Variants in CSMD3 observed in about 807,000 individuals in gnomAD.
CSMD3 encodes CUB and sushi domain-containing protein 3.
In CSMD3, 177 loss-of-function variants were observed where a neutral mutation model predicts 435.2. The ratio of observed to expected loss-of-function variants is 0.41; its 90% confidence interval spans 0.36 to 0.46. The LOEUF is 0.46. Ranked by LOEUF, CSMD3 falls within the 20% of genes least tolerant of loss-of-function variation. CSMD3 has a pLI of 0.34. For missense variants in CSMD3, 4,265 were observed against 4,504.6 expected (o/e 0.95, Z 1.52); for synonymous variants, 1,656 against 1,520.5 (o/e 1.09, Z -2.07).
At chr8:112,997,288 AT>A (rs1222761789) in intron 6 of CSMD3, among the ~76,000 whole-genome samples, 1 of 151,704 alleles carries the variant, frequency 6.6e-6, no homozygotes, top group Non-Finnish European at 1.5e-5. Flanking sequence ...CAGTTAAAAT[AT>A]TTTATTAACT....
intron 1 of CSMD3, among the ~76,000 whole-genome samples, chr8:113,325,148 C>A (rs1047660925): frequency 1.3e-5 from 2 of 152,184 alleles, no homozygotes; most frequent in East Asian, 3.9e-4. Context: ...CTACGGACTT[C>A]TGAGTTAATG....
chr8:112,256,370 T>C (rs1178450203), intron 61 of CSMD3, among the ~76,000 whole-genome samples: 1 of 151,094 alleles, frequency 6.6e-6, no homozygotes, highest in Non-Finnish European at 1.5e-5. Context: ...TGTTAGGAGG[T>C]GGGAGAAGAT....
chr8:112,786,506 A>T (rs2078542438), intron 13 of CSMD3, among the ~76,000 whole-genome samples: 1 of 152,074 alleles, frequency 6.6e-6, no homozygotes, highest in Non-Finnish European at 1.5e-5. Flanking sequence ...AAATATTTGC[A>T]AACTATCTAT....
chr8:113,041,205 TAA>T (rs1311041503), intron 5 of CSMD3, among the ~76,000 whole-genome samples: 1 of 74,672 alleles, frequency 1.3e-5, no homozygotes, highest in Admixed American at 2.4e-4. Context: ...GACTCCGTCT[TAA>T]AAAAAAAAAA....
chr8:112,520,364 A>T (rs1294613981), intron 27 of CSMD3, among the ~76,000 whole-genome samples: 1 of 152,038 alleles, frequency 6.6e-6, no homozygotes. Flanking sequence ...GATCTCAGAG[A>T]TCTTAAATGC....
At chr8:112,790,177 A>G (rs541358538) in intron 13 of CSMD3, among the ~76,000 whole-genome samples, 1 of 152,150 alleles carries the variant, frequency 6.6e-6, no homozygotes, top group East Asian at 1.9e-4. Context: ...ACAAATAAAT[A>G]TACATAAAAA....
chr8:113,205,728 T>C (rs1025957005), intron 3 of CSMD3, among the ~76,000 whole-genome samples: 3 of 152,202 alleles, frequency 2.0e-5, no homozygotes, highest in Non-Finnish European at 2.9e-5. Flanking sequence ...TTTTATTCTA[T>C]AACCTCCCTC....
intron 5 of CSMD3, among the ~76,000 whole-genome samples, chr8:113,065,640 G>A (rs759122004): frequency 6.6e-6 from 1 of 151,956 alleles, no homozygotes; most frequent in Middle Eastern, 3.2e-3. Flanking sequence ...CGCCCGCCTC[G>A]TGCTCCCGAA....
At chr8:113,391,819 G>A (rs558754135) in intron 1 of CSMD3, among the ~76,000 whole-genome samples, 5 of 151,698 alleles carry the variant, frequency 3.3e-5, no homozygotes, top group African/African-American at 1.2e-4. Context: ...GAACTAGAGG[G>A]GCTAGAAGGG....
intron 57 of CSMD3, 141 bp downstream of exon 57, chr8:112,289,224 C>A: frequency 1.3e-6 from 1 of 753,318 alleles, no homozygotes; most frequent in Non-Finnish European, 2.4e-6. Flanking sequence ...AATGTGTAAG[C>A]AGTGTTTCAG....
chr8:112,531,615 A>G (rs1448121273), intron 27 of CSMD3, among the ~76,000 whole-genome samples: 1 of 152,156 alleles, frequency 6.6e-6, no homozygotes, highest in Non-Finnish European at 1.5e-5. Context: ...AAGTACATAG[A>G]AGTCCACTAG....
At chr8:113,264,484 T>C (rs1255269981) in intron 3 of CSMD3, among the ~76,000 whole-genome samples, 1 of 151,122 alleles carries the variant, frequency 6.6e-6, no homozygotes, top group African/African-American at 2.4e-5. Context: ...GAGAATGAAA[T>C]AAAGCCTTTT....
intron 3 of CSMD3, among the ~76,000 whole-genome samples, chr8:113,182,388 G>A (rs1366701975): frequency 4.0e-5 from 6 of 151,816 alleles, no homozygotes; most frequent in East Asian, 1.9e-4. Flanking sequence ...CTTTTAATAC[G>A]TTGGTCTGAA....
At chr8:112,783,614 A>G (rs1229934240) in intron 13 of CSMD3, among the ~76,000 whole-genome samples, 2 of 152,022 alleles carry the variant, frequency 1.3e-5, no homozygotes, top group South Asian at 2.1e-4. Context: ...TTGTGTGTAA[A>G]TGGGCTAAAC....
intron 1 of CSMD3, among the ~76,000 whole-genome samples, chr8:113,335,802 A>G (rs893031161): frequency 2.6e-5 from 4 of 151,792 alleles, no homozygotes; most frequent in African/African-American, 9.7e-5. Flanking sequence ...GTACTTCTGT[A>G]TCTTTTATCC....
At chr8:112,852,465 T>C (rs1412895220) in intron 11 of CSMD3, among the ~76,000 whole-genome samples, 2 of 152,170 alleles carry the variant, frequency 1.3e-5, no homozygotes, top group African/African-American at 2.4e-5. Context: ...TTTTAATTTT[T>C]AAAGGCAAAT....
chr8:112,992,252 TC>T (rs2085483315), intron 6 of CSMD3, among the ~76,000 whole-genome samples: 1 of 151,782 alleles, frequency 6.6e-6, no homozygotes, highest in Admixed American at 6.6e-5. Context: ...CGTCCCTCCC[TC>T]TATCTTTTTT....
At chr8:112,291,460 T>C (rs2130674671) in intron 56 of CSMD3, 50 bp downstream of exon 56, 1 of 1,213,822 alleles carries the variant, frequency 8.2e-7, no homozygotes, top group Non-Finnish European at 1.2e-6. Flanking sequence ...TAAACATTCC[T>C]ATGGTTTCCA....
chr8:113,249,762 T>C lies in CSMD3; in HGVS notation c.514+28830A>G, dbSNP rs536401054. Among the ~76,000 whole-genome samples, 4 of 152,022 alleles carry C rather than the reference T, an allele frequency of 2.6e-5. No homozygotes were observed. In the South Asian group the frequency reaches 8.3e-4, roughly 32 times the overall value. On this transcript the variant is annotated intron_variant, in intron 3 of 70. Coordinates refer to ENST00000297405, the MANE Select transcript of CSMD3 (RefSeq NM_198123.2). ...TTCCTGTACCCTTAAATATTTAATG[T>C]GGCTACTCTTGCCATAAGTCTTTGT...
Sources: allele counts gnomAD v4.1 joint callset (sites outside exome capture counted in the v4.1 genomes callset), GRCh38; gene constraint gnomAD v4.1.1; transcripts MANE v1.5; gene names NCBI Gene and HGNC (gene_info 2026-07-23, HGNC 2026-07-21).